RUNX1: variants seen among roughly 807,000 people sequenced by gnomAD.
The protein encoded by RUNX1 is RUNX family transcription factor 1.
In RUNX1, 19 loss-of-function variants were observed where a neutral mutation model predicts 42.8. That is an observed-to-expected ratio of 0.44 (90% confidence interval 0.31 to 0.65). The LOEUF is 0.65. Among genes scored for constraint, RUNX1 ranks in the 30% least tolerant of loss-of-function variants. RUNX1 has a pLI of 0.07. For missense variants in RUNX1, 528 were observed against 672.0 expected (o/e 0.79, Z 2.37); for synonymous variants, 271 against 289.4 (o/e 0.94, Z 0.64).
chr21:34,994,944 C>T (rs1008839901), intron 2 of RUNX1, among the ~76,000 whole-genome samples: 4 of 152,238 alleles, frequency 2.6e-5, no homozygotes, highest in African/African-American at 4.8e-5. Context: ...GGAACCGCAA[C>T]GCCATTGCAG....
chr21:34,860,145 T>A (rs1169428421), intron 5 of RUNX1, among the ~76,000 whole-genome samples: 2 of 152,232 alleles, frequency 1.3e-5, no homozygotes, highest in South Asian at 2.1e-4. Context: ...ATGGGATCAG[T>A]CAGAATAAAA....
intron 3 of RUNX1, chr21:34,888,427 A>G (rs1208966129): frequency 7.5e-6 from 8 of 1,066,934 alleles, no homozygotes; most frequent in African/African-American, 1.6e-5. Context: ...ACAATTGGGG[A>G]AAAGTTCGCA....
intron 2 of RUNX1, among the ~76,000 whole-genome samples, chr21:35,020,363 T>C (rs2059189675): frequency 6.6e-6 from 1 of 152,168 alleles, no homozygotes. Context: ...AACACAGTGC[T>C]TCTGTGTTTG....
At chr21:34,995,902 G>A (rs953241659) in intron 2 of RUNX1, among the ~76,000 whole-genome samples, 20 of 152,170 alleles carry the variant, frequency 1.3e-4, no homozygotes, top group Non-Finnish European at 2.8e-4. Context: ...GTAGGTGTAT[G>A]TGTGTGTATA....
In RUNX1 at chr21:34,907,636, C is replaced by T. The variant is rs9976688; in HGVS notation, c.59-14673G>A. Reference sequence around the variant, plus strand: ...TCTGAAGTTCTCCTTTCTGTGCCTCCGCTTCCACCTTTGCCAAGTCTAAAA... The same window carrying T: ...TCTGAAGTTCTCCTTTCTGTGCCTCTGCTTCCACCTTTGCCAAGTCTAAAA... On this transcript the variant is annotated intron_variant, in intron 2 of 8. Transcript: ENST00000675419. This position sits in a 1 kb window ranked among gnomAD's most constrained non-coding sequence, Gnocchi z 5.3. Among the ~76,000 whole-genome samples, 21,035 of 152,106 alleles carry T rather than the reference C, an allele frequency of 0.14. 1,663 individuals are homozygous for T. Among genetic ancestry groups the T allele is most frequent in the East Asian group, 0.19 (978 of 5,172 alleles).
chr21:34,990,400 T>A (rs79835444), intron 2 of RUNX1, among the ~76,000 whole-genome samples: 1,790 of 152,256 alleles, frequency 0.012, 26 homozygotes, highest in African/African-American at 0.041. Flanking sequence ...GAGCTGCACG[T>A]GTGCCGCTGT....
intron 2 of RUNX1, among the ~76,000 whole-genome samples, chr21:34,966,002 C>G (rs963991049): frequency 2.6e-5 from 4 of 152,136 alleles, no homozygotes; most frequent in African/African-American, 9.7e-5. Context: ...CTCGATGGAG[C>G]AGTCCCCTCC....
chr21:34,879,657 G>A (rs944249405), intron 5 of RUNX1, among the ~76,000 whole-genome samples: 2 of 151,558 alleles, frequency 1.3e-5, no homozygotes, highest in South Asian at 2.1e-4. Flanking sequence ...AAGCTTAATC[G>A]GTACTATATT....
At chr21:34,887,772 A>G (rs2058020218) in intron 3 of RUNX1, 1 of 1,062,534 alleles carries the variant, frequency 9.4e-7, no homozygotes, top group Non-Finnish European at 1.1e-6. Context: ...ACACAACAGA[A>G]ATCCATTAAT....
At chr21:34,927,411 T>C (rs930971555) in intron 2 of RUNX1, among the ~76,000 whole-genome samples, 1 of 152,172 alleles carries the variant, frequency 6.6e-6, no homozygotes, top group East Asian at 1.9e-4. Flanking sequence ...CTCTTATCTA[T>C]GATGCAACTA....
intron 2 of RUNX1, among the ~76,000 whole-genome samples, chr21:34,948,506 G>T (rs1484538507): frequency 6.6e-6 from 1 of 152,174 alleles, no homozygotes. Context: ...TCAAGGTTCA[G>T]GCTCTCAGGG....
At chr21:34,883,620 G>A (rs1342372541) in intron 4 of RUNX1, among the ~76,000 whole-genome samples, 1 of 152,084 alleles carries the variant, frequency 6.6e-6, no homozygotes. Flanking sequence ...AGACCAAACA[G>A]GCAAGAAGGG....
At chr21:35,015,984 G>C (rs1328754047) in intron 2 of RUNX1, among the ~76,000 whole-genome samples, 6 of 152,170 alleles carry the variant, frequency 3.9e-5, no homozygotes, top group Non-Finnish European at 7.4e-5. Context: ...CCTTTGTTGT[G>C]AGTTTCATTT....
chr21:34,878,384 C>T (rs947901356), intron 5 of RUNX1, among the ~76,000 whole-genome samples: 1 of 149,210 alleles, frequency 6.7e-6, no homozygotes, highest in Non-Finnish European at 1.5e-5. Flanking sequence ...TATACACACA[C>T]ACATATATAT....
At chr21:34,919,239 C>G (rs573796273) in intron 2 of RUNX1, among the ~76,000 whole-genome samples, 1 of 152,240 alleles carries the variant, frequency 6.6e-6, no homozygotes, top group African/African-American at 2.4e-5. Flanking sequence ...TCCCTTGGTA[C>G]TCAAACTTAA....
intron 6 of RUNX1, 25 bp from the exon 7 acceptor site, chr21:34,834,626 G>A (rs372846317): frequency 3.3e-6 from 5 of 1,523,998 alleles, no homozygotes; most frequent in African/African-American, 1.4e-5. Context: ...AGGGAGGGGA[G>A]GGGATGGGGG....
chr21:34,828,262 G>T (rs1376675626), intron 7 of RUNX1, among the ~76,000 whole-genome samples: 1 of 152,176 alleles, frequency 6.6e-6, no homozygotes. Flanking sequence ...GTTGGATTTT[G>T]AACTTATATG....
At chr21:34,818,863 T>C (rs1428165468) in intron 7 of RUNX1, among the ~76,000 whole-genome samples, 1 of 152,230 alleles carries the variant, frequency 6.6e-6, no homozygotes, top group Non-Finnish European at 1.5e-5. Context: ...CACGGGTGTT[T>C]GTCCTGTCTT....
chr21:34,817,752 CTCCACGTCG>C (rs2056847634), intron 7 of RUNX1, among the ~76,000 whole-genome samples: 1 of 152,166 alleles, frequency 6.6e-6, no homozygotes, highest in East Asian at 1.9e-4. Flanking sequence ...CACTATGGGC[CTCCACGTCG>C]TGTGGTCCTG....
Sources: gnomAD v4.1 joint callset for allele counts (sites outside exome capture counted in the v4.1 genomes callset) on GRCh38, gnomAD v4.1.1 for gene constraint, Gnocchi (gnomAD v3.1) non-coding constraint, MANE v1.5 for transcripts, NCBI Gene and HGNC (gene_info 2026-07-23, HGNC 2026-07-21) for gene names.